Variants in HHIPL1 observed in about 807,000 individuals in gnomAD.
The protein encoded by HHIPL1 is HHIP like 1.
In HHIPL1, 43 loss-of-function variants were observed where a neutral mutation model predicts 61.8. The ratio of observed to expected loss-of-function variants is 0.70; its 90% confidence interval spans 0.55 to 0.90. The LOEUF is 0.90. Ranked by LOEUF, HHIPL1 falls within the 40% of genes least tolerant of loss-of-function variation. The pLI is 0.00. For synonymous variants in HHIPL1, 482 were observed against 515.8 expected (o/e 0.93, Z 0.89); for missense variants, 1,056 against 1,157.7 (o/e 0.91, Z 1.28).
chr14:99,645,378 C>T lies in HHIPL1; in HGVS notation c.171C>T (p.Thr57=), dbSNP rs1482310128. ...ATGAGGGGCGCGACGCCGAGCTGAC[C>T]CGCCGCTTCTGGGCCCTGGCGAGCC... ...CCDEGRDAEL[T]RRFWALASRV... Residue 57 remains threonine, a synonymous_variant, in exon 1 of 9, where the codon ACC becomes ACT. Coordinates refer to ENST00000330710, the MANE Select transcript of HHIPL1 (RefSeq NM_001127258.3). 4 of 1,445,986 alleles carry T rather than the reference C, an allele frequency of 2.8e-6. No homozygotes were observed. Among genetic ancestry groups the T allele is most frequent in the East Asian group, 3.1e-5 (1 of 32,664 alleles). The allele number at this position is 1,445,986 out of a possible 1,614,324, so 89.6% of individuals were successfully genotyped here. A position where few individuals can be genotyped will look rare whatever the true frequency, so the allele number is the denominator to read the frequency against.
chr14:99,644,671 C>T (rs533969376), upstream of HHIPL1, among the ~76,000 whole-genome samples: 26 of 152,288 alleles, frequency 1.7e-4, no homozygotes, highest in African/African-American at 5.8e-4. Flanking sequence ...GGGTGGACTG[C>T]GGAGACTGCT....
At chr14:99,654,061 T>C (rs1018959964) in intron 2 of HHIPL1, among the ~76,000 whole-genome samples, 1 of 151,816 alleles carries the variant, frequency 6.6e-6, no homozygotes, top group African/African-American at 2.4e-5. Context: ...TGGTAGTGGT[T>C]ATCTGTAATC....
At chr14:99,628,681 G>T in the HHIPL1 span, among the ~76,000 whole-genome samples, 2 of 152,092 alleles carry the variant, frequency 1.3e-5, no homozygotes, top group South Asian at 2.1e-4. Flanking sequence ...GTAAGTGGGG[G>T]TCACAGGTGA....
upstream of HHIPL1, among the ~76,000 whole-genome samples, chr14:99,643,832 T>C (rs2055785218): frequency 6.6e-6 from 1 of 152,192 alleles, no homozygotes; most frequent in Non-Finnish European, 1.5e-5. Flanking sequence ...AGTGGCTATC[T>C]CCAGCTGTGG....
At chr14:99,637,052 AAG>A in the HHIPL1 span, among the ~76,000 whole-genome samples, 2,777 of 99,982 alleles carry the variant, frequency 0.028, 128 homozygotes, top group Non-Finnish European at 0.035. Flanking sequence ...AGAAAGAAGG[AAG>A]GAAGGAAAAA....
chr14:99,622,004 C>T, the HHIPL1 span, among the ~76,000 whole-genome samples: 11 of 152,146 alleles, frequency 7.2e-5, no homozygotes, highest in Non-Finnish European at 1.3e-4. Context: ...CATAAGCCAC[C>T]GCGCCTGGCC....
the HHIPL1 span, among the ~76,000 whole-genome samples, chr14:99,605,413 T>G: frequency 6.7e-6 from 1 of 148,404 alleles, no homozygotes; most frequent in Non-Finnish European, 1.5e-5. Context: ...CCCCGGAACC[T>G]GCAACGAGAT....
the HHIPL1 span, among the ~76,000 whole-genome samples, chr14:99,608,483 C>T: frequency 6.6e-6 from 1 of 152,070 alleles, no homozygotes; most frequent in Non-Finnish European, 1.5e-5. Context: ...GCTCATTGGG[C>T]GTGAACTTAC....
chr14:99,671,860 G>A (rs2056329700), intron 7 of HHIPL1, among the ~76,000 whole-genome samples: 2 of 152,168 alleles, frequency 1.3e-5, no homozygotes, highest in Non-Finnish European at 2.9e-5. Flanking sequence ...CTCAGATCCT[G>A]CATCAGAAAT....
At chr14:99,650,093 C>T (rs577319644) in intron 1 of HHIPL1, among the ~76,000 whole-genome samples, 2 of 152,366 alleles carry the variant, frequency 1.3e-5, no homozygotes, top group Admixed American at 6.5e-5. Flanking sequence ...CAGGTGAGAC[C>T]TAGCCTCACA....
At position 99,679,289 on chromosome 14, in the gene HHIPL1, G is replaced by A. The variant is rs2056418140; in HGVS notation, c.*3663G>A. ...CTGGCCGCTGAGGGAGCATTCACAT[G>A]TGACTCTGTCCCCAGGGACTCCGAT... On this transcript the variant is annotated 3_prime_UTR_variant, in exon 9 of 9. Coordinates refer to ENST00000330710, the MANE Select transcript of HHIPL1 (RefSeq NM_001127258.3). 6.6e-6 allele frequency: 1 copy of A among 152,350 alleles called. No homozygotes were observed. Among genetic ancestry groups the A allele is most frequent in the Non-Finnish European group, 1.5e-5 (1 of 68,120 alleles). The allele number at this position is 152,350 out of a possible 1,614,324, so 9.4% of individuals were successfully genotyped here. A position where few individuals can be genotyped will look rare whatever the true frequency, so the allele number is the denominator to read the frequency against.
At position 99,668,189 on chromosome 14, in the gene HHIPL1, G is replaced by C. The variant is rs369301252; in HGVS notation, c.1649-33G>C. On this transcript the variant is annotated intron_variant, in intron 6 of 8. Transcript: ENST00000330710. The surrounding 1 kb of genome is among the most constrained non-coding windows in gnomAD (Gnocchi z 4.7). ...GCTGGCTGGGACGGTATTCCAGGTG[G>C]GGGTCTCACTAGTCACTTTGTTCTG... 7.3e-6 allele frequency: 10 copies of C among 1,362,284 alleles called. No homozygotes were observed. The highest frequency in any genetic ancestry group is 1.7e-5 in the Admixed American group (1 of 59,660). The allele number at this position is 1,362,284 out of a possible 1,614,324, so 84.4% of individuals were successfully genotyped here. A position where few individuals can be genotyped will look rare whatever the true frequency, so the allele number is the denominator to read the frequency against.
chr14:99,666,539 G>A lies in HHIPL1; in HGVS notation c.1649-1683G>A, dbSNP rs1218803962. On this transcript the variant is annotated intron_variant, in intron 6 of 8. Coordinates refer to ENST00000330710, the MANE Select transcript of HHIPL1 (RefSeq NM_001127258.3). ...TTATGGAGGAGGGGCACCATGCCCA[G>A]CCTGGCCCCTGGACACCTCCCAGAG... Among the ~76,000 whole-genome samples, 4 of 152,330 alleles carry A rather than the reference G, an allele frequency of 2.6e-5. No homozygotes were observed. In the East Asian group the frequency reaches 7.7e-4, roughly 29 times the overall value.
Position 99,661,401 on chromosome 14 carries a change from G to GAGA in HHIPL1, c.1502+996_1502+997insGAA, listed in dbSNP as rs1566813251. On this transcript the variant is annotated intron_variant, in intron 5 of 8. Transcript: ENST00000330710. ...GTGGAAAGAAAGAAAGAGAGAGAAA[G>GAGA]AAAGAGAGAGAGAGAGAAAAGAAGG... Among the ~76,000 whole-genome samples the GAGA allele has an allele frequency of 6.7e-5, 9 of 134,374 alleles. No homozygotes were observed. In the South Asian group the frequency reaches 7.3e-4, roughly 11 times the overall value. 88.2% of individuals were successfully genotyped at this position (134,374 alleles called of 152,430 possible).
chr14:99,653,582 C>T (rs2055976481), intron 2 of HHIPL1, among the ~76,000 whole-genome samples: 2 of 152,208 alleles, frequency 1.3e-5, no homozygotes, highest in African/African-American at 4.8e-5. Context: ...ATCTGCCCGC[C>T]TCGGCCGAAG....
chr14:99,675,340 T>G lies in HHIPL1; in HGVS notation c.2063T>G (p.Val688Gly), dbSNP rs886203357. 3.4e-6 allele frequency: 5 copies of G among 1,460,692 alleles called. No homozygotes were observed. Among genetic ancestry groups the G allele is most frequent in the Non-Finnish European group, 4.5e-6 (5 of 1,106,872 alleles). 90.5% of individuals were successfully genotyped at this position (1,460,692 alleles called of 1,614,324 possible). ...PAGLSSGSGRVEVFVGGRWGT... is the reference protein window; with the variant it reads ...PAGLSSGSGRGEVFVGGRWGT... ...GGCCTGAGCTCTGGCAGCGGGCGCG[T>G]GGAGGTGTTCGTGGGCGGACGCTGG... Residue 688 changes from valine (V) to glycine (G), a missense_variant, in exon 9 of 9, where the codon GTG becomes GGG. Transcript: ENST00000330710. This position sits in a 1 kb window ranked among gnomAD's most constrained non-coding sequence, Gnocchi z 5.4.
the HHIPL1 span, among the ~76,000 whole-genome samples, chr14:99,623,666 G>A: frequency 3.3e-5 from 5 of 152,158 alleles, no homozygotes; most frequent in South Asian, 4.1e-4. Context: ...CTCCAGCCTC[G>A]GCCTCCCAAA....
chr14:99,670,678 T>C (rs1411755270), intron 7 of HHIPL1, among the ~76,000 whole-genome samples: 1 of 152,202 alleles, frequency 6.6e-6, no homozygotes, highest in African/African-American at 2.4e-5. Flanking sequence ...CATTGTTATC[T>C]ATGCAGCGCC....
rs2055807656 is a variant in HHIPL1 at position 99,645,174 on chromosome 14, C to A, written c.-34C>A. Reference sequence around the variant, plus strand: ...CGCCCCGGGAGGGGACCGGGGCTGCCGTCCCTCCGCCTCTTCCCCCGCGGG... The same window carrying A: ...CGCCCCGGGAGGGGACCGGGGCTGCAGTCCCTCCGCCTCTTCCCCCGCGGG... On this transcript the variant is annotated 5_prime_UTR_variant, in exon 1 of 9. Transcript: ENST00000330710. The A allele has an allele frequency of 3.2e-6, 4 of 1,259,576 alleles. No homozygotes were observed. The highest frequency in any genetic ancestry group is 3.1e-5 in the African/African-American group (2 of 64,110). The allele number at this position is 1,259,576 out of a possible 1,614,324, so 78.0% of individuals were successfully genotyped here.
Sources: allele counts gnomAD v4.1 joint callset (sites outside exome capture counted in the v4.1 genomes callset), GRCh38; gene constraint gnomAD v4.1.1; non-coding constraint Gnocchi (gnomAD v3.1); transcripts MANE v1.5; gene names NCBI Gene and HGNC (gene_info 2026-07-23, HGNC 2026-07-21).